Variants in CIT observed in about 807,000 individuals in gnomAD.
CIT encodes the protein citron Rho-interacting kinase.
A neutral mutation model predicts 272.7 loss-of-function variants in CIT; 79 were observed. That is an observed-to-expected ratio of 0.29 (90% CI 0.24 to 0.35). The LOEUF (loss-of-function observed/expected upper bound fraction) is 0.35, where lower values mean the gene tolerates loss of function less well. Among genes scored for constraint, CIT ranks in the 10% least tolerant of loss-of-function variants. The pLI is 1.00. For missense variants in CIT, 1,909 were observed against 2,618.3 expected (o/e 0.73, Z 5.91); for synonymous variants, 948 against 995.6 (o/e 0.95, Z 0.90).
At position 119,720,646 on chromosome 12, in the gene CIT, TACTTTAAGAA is replaced by T. The variant is rs548251328; in HGVS notation, c.3733-71_3733-62del. On this transcript the variant is annotated intron_variant, in intron 29 of 47. Transcript: ENST00000392521. ...GACAGAAGTATACTTTTAAAGTTGG[TACTTTAAGAA>T]ACTAAAAAGTGAAGTTGTTAGGACA... The T allele has an allele frequency of 2.1e-5, 27 of 1,264,336 alleles. 2 individuals carry two copies. In the African/African-American group the frequency reaches 3.0e-4, roughly 14 times the overall value. The allele number at this position is 1,264,336 out of a possible 1,614,324, so 78.3% of individuals were successfully genotyped here.
At chr12:119,689,802 C>T (rs967302434) in intron 47 of CIT, among the ~76,000 whole-genome samples, 2 of 151,586 alleles carry the variant, frequency 1.3e-5, no homozygotes, top group Admixed American at 1.3e-4. Context: ...CTCAGCCTCC[C>T]AAGTAGCTGG....
At chr12:119,799,285 C>T (rs1049472761) in intron 10 of CIT, among the ~76,000 whole-genome samples, 7 of 152,154 alleles carry the variant, frequency 4.6e-5, no homozygotes, top group African/African-American at 1.4e-4. Flanking sequence ...TTTACCAAGG[C>T]TTTTCCATGT....
chr12:119,819,057 C>T (rs1447414240), intron 9 of CIT, among the ~76,000 whole-genome samples: 7 of 152,112 alleles, frequency 4.6e-5, no homozygotes, highest in Non-Finnish European at 7.4e-5. Context: ...AGCCAGAATC[C>T]GGCCCAGCAT....
rs1593730954 is a variant in CIT at position 119,784,111 on chromosome 12, A to T, written c.1402-60T>A. The T allele has an allele frequency of 8.1e-6, 13 of 1,613,592 alleles. No homozygotes were observed. The highest frequency in any genetic ancestry group is 1.0e-5 in the Non-Finnish European group (12 of 1,179,688). Reference sequence around the variant, plus strand: ...GTGGAGGTTCATTAGGAGCAATCACATCTCAAGTAGCCTCCGAAACCACCT... The same window carrying T: ...GTGGAGGTTCATTAGGAGCAATCACTTCTCAAGTAGCCTCCGAAACCACCT... On this transcript the variant is annotated intron_variant, in intron 11 of 47. Coordinates refer to ENST00000392521, the MANE Select transcript of CIT (RefSeq NM_001206999.2). This position sits in a 1 kb window ranked among gnomAD's most constrained non-coding sequence, Gnocchi z 4.7.
At position 119,784,779 on chromosome 12, in the gene CIT, G is replaced by A; in HGVS notation, c.1401+181C>T. The A allele has an allele frequency of 7.0e-7, 1 of 1,425,664 alleles. No individual in the cohort carries two copies. Among genetic ancestry groups the A allele is most frequent in the Non-Finnish European group, 9.1e-7 (1 of 1,093,118 alleles). The allele number at this position is 1,425,664 out of a possible 1,614,324, so 88.3% of individuals were successfully genotyped here. On this transcript the variant is annotated intron_variant, in intron 11 of 47. Transcript: ENST00000392521. The surrounding 1 kb of genome is among the most constrained non-coding windows in gnomAD (Gnocchi z 4.7). ...TAGATTTAAAGGATTTACAGCAACA[G>A]CAAGGCCCGAATTCATCTCCCTCTG...
chr12:119,804,582 T>A lies in CIT; in HGVS notation c.1112-1193A>T, dbSNP rs1966486255. 1 of 706,224 alleles carries A rather than the reference T, an allele frequency of 1.4e-6. No homozygotes were observed. Among genetic ancestry groups the A allele is most frequent in the Non-Finnish European group, 1.7e-6 (1 of 574,842 alleles). 43.7% of individuals were successfully genotyped at this position (706,224 alleles called of 1,614,324 possible). A position where few individuals can be genotyped will look rare whatever the true frequency, so the allele number is the denominator to read the frequency against. ...GCCCTTCACAGCCCAGACTTCTTTT[T>A]AACTCCTCGTTTTCTGGACAAAGCT... On this transcript the variant is annotated intron_variant, in intron 9 of 47. Transcript: ENST00000392521. The surrounding 1 kb of genome is among the most constrained non-coding windows in gnomAD (Gnocchi z 5.3).
chr12:119,784,579 G>T lies in CIT; in HGVS notation c.1401+381C>A. 1 of 1,169,320 alleles carries T rather than the reference G, an allele frequency of 8.6e-7. No individual in the cohort carries two copies. Among genetic ancestry groups the T allele is most frequent in the African/African-American group, 1.6e-5 (1 of 62,708 alleles). The allele number at this position is 1,169,320 out of a possible 1,614,324, so 72.4% of individuals were successfully genotyped here. A position where few individuals can be genotyped will look rare whatever the true frequency, so the allele number is the denominator to read the frequency against. On this transcript the variant is annotated intron_variant, in intron 11 of 47. Transcript: ENST00000392521. This position sits in a 1 kb window ranked among gnomAD's most constrained non-coding sequence, Gnocchi z 4.7. Reference sequence around the variant, plus strand: ...GTTGAGCGTAATCAACACAGTGGCCGCAGTGACATAAGCAGGAGTTTTAAA... The same window carrying T: ...GTTGAGCGTAATCAACACAGTGGCCTCAGTGACATAAGCAGGAGTTTTAAA...
chr12:119,752,897 T>G (rs278132), intron 22 of CIT, among the ~76,000 whole-genome samples: 118,010 of 152,066 alleles, frequency 0.78, 46,014 homozygotes, highest in Middle Eastern at 0.89. Flanking sequence ...AAACCAACCA[T>G]GACCATATAT....
chr12:119,850,481 G>A (rs1295612182), intron 4 of CIT, among the ~76,000 whole-genome samples: 13 of 150,404 alleles, frequency 8.6e-5, no homozygotes, highest in African/African-American at 2.9e-4. Flanking sequence ...GAAAGGGAAG[G>A]AAAGGGAAGG....
chr12:119,840,572 A>G (rs1815762967), intron 5 of CIT, among the ~76,000 whole-genome samples: 1 of 152,238 alleles, frequency 6.6e-6, no homozygotes, highest in African/African-American at 2.4e-5. Flanking sequence ...TGAAGTCAAT[A>G]AGAGGAATTA....
At chr12:119,776,270 T>A in intron 15 of CIT, 88 bp downstream of exon 15, 3 of 990,984 alleles carry the variant, frequency 3.0e-6, no homozygotes, top group Non-Finnish European at 4.8e-6. Flanking sequence ...TGAAGAATAC[T>A]CTTCATCAAT....
chr12:119,860,107 C>A (rs565449781), intron 3 of CIT, among the ~76,000 whole-genome samples: 2 of 152,288 alleles, frequency 1.3e-5, no homozygotes, highest in South Asian at 4.1e-4. Context: ...CATGAACCAT[C>A]GCACTCAGCC....
chr12:119,772,937 A>G, intron 16 of CIT, 27 bp from the exon 17 acceptor site: 1 of 1,596,330 alleles, frequency 6.3e-7, no homozygotes, highest in African/African-American at 1.3e-5. Context: ...AAAAGGAGAT[A>G]GGTGGGCAAA....
intron 4 of CIT, among the ~76,000 whole-genome samples, chr12:119,852,543 G>T (rs1197645655): frequency 6.6e-6 from 1 of 151,778 alleles, no homozygotes; most frequent in African/African-American, 2.4e-5. Flanking sequence ...ATGAAACCTC[G>T]TCTCTACTAA....
chr12:119,704,649 G>A lies in CIT; in HGVS notation c.5212-194C>T, dbSNP rs532947372. Among the ~76,000 whole-genome samples the A allele has an allele frequency of 9.2e-5, 14 of 152,230 alleles. No individual in the cohort carries two copies. The East Asian group carries it at 2.7e-3, about 29-fold the overall frequency. ...GGCCTTGACCCACTAGATGCCTGCA[G>A]CACTTCAATGTGTGACAATCAAAAA... is the stretch of plus-strand genomic sequence containing the variant. On this transcript the variant is annotated intron_variant, in intron 40 of 47. Transcript: ENST00000392521.
intron 16 of CIT, 82 bp from the exon 17 acceptor site, chr12:119,772,992 TC>T: frequency 9.3e-7 from 1 of 1,080,540 alleles, no homozygotes; most frequent in Non-Finnish European, 1.2e-6. Context: ...TGCACATGTA[TC>T]CCAGAACTTA....
Position 119,769,089 on chromosome 12 carries a change from TTC to T in CIT, c.2208+1694_2208+1695del, listed in dbSNP as rs1197657715. Among the ~76,000 whole-genome samples, 9 of 152,022 alleles carry T rather than the reference TTC, an allele frequency of 5.9e-5. No individual in the cohort carries two copies. In the South Asian group the frequency reaches 1.9e-3, roughly 32 times the overall value. ...TGATAATCATCCTTTTTTTTTTTTTTTCCAGTTTCGGTCTTCATAAGATAGCA... is the reference window on the plus strand; with the variant it reads ...TGATAATCATCCTTTTTTTTTTTTTTCAGTTTCGGTCTTCATAAGATAGCA... On this transcript the variant is annotated intron_variant, in intron 18 of 47. Coordinates refer to ENST00000392521, the MANE Select transcript of CIT (RefSeq NM_001206999.2).
chr12:119,822,259 T>C (rs1349418904), intron 9 of CIT, among the ~76,000 whole-genome samples: 1 of 152,278 alleles, frequency 6.6e-6, no homozygotes, highest in Non-Finnish European at 1.5e-5. Flanking sequence ...TTGTTTTTAA[T>C]GAATTCATTC....
chr12:119,798,108 A>G (rs1313664767), intron 10 of CIT, among the ~76,000 whole-genome samples: 4 of 152,174 alleles, frequency 2.6e-5, no homozygotes, highest in Admixed American at 2.6e-4. Context: ...CACACACCAG[A>G]TAAGAGTCTC....
Sources: gnomAD v4.1 joint callset for allele counts (sites outside exome capture counted in the v4.1 genomes callset) on GRCh38, gnomAD v4.1.1 for gene constraint, Gnocchi (gnomAD v3.1) non-coding constraint, MANE v1.5 for transcripts, NCBI Gene and HGNC (gene_info 2026-07-23, HGNC 2026-07-21) for gene names.